RELN: variants seen among roughly 807,000 people sequenced by gnomAD.
RELN encodes the protein reelin.
In RELN, 108 loss-of-function variants were observed where a neutral mutation model predicts 427.6. That is an observed-to-expected ratio of 0.25 (90% confidence interval 0.22 to 0.30). The LOEUF (loss-of-function observed/expected upper bound fraction) is 0.30. RELN is among the 10% of genes least tolerant of loss of function. The probability of loss-of-function intolerance (pLI) is 1.00; values close to 1 mark genes in which losing one functional copy is unlikely to be tolerated. For missense variants in RELN, 3,715 were observed against 4,302.8 expected (o/e 0.86, Z 3.82); for synonymous variants, 1,524 against 1,513.4 (o/e 1.01, Z -0.16).
intron 46 of RELN, among the ~76,000 whole-genome samples, chr7:103,531,535 A>G (rs1386588691): frequency 6.6e-6 from 1 of 152,144 alleles, no homozygotes; most frequent in Non-Finnish European, 1.5e-5. Flanking sequence ...TGCAACTCAA[A>G]GACCAGGGAG....
intron 2 of RELN, among the ~76,000 whole-genome samples, chr7:103,873,785 G>A (rs1307471807): frequency 2.3e-5 from 3 of 132,618 alleles, no homozygotes; most frequent in Admixed American, 7.7e-5. Context: ...GTACAAGGAG[G>A]AACTGGTACC....
chr7:103,770,594 G>C (rs1298528566), intron 4 of RELN, among the ~76,000 whole-genome samples: 1 of 152,092 alleles, frequency 6.6e-6, no homozygotes, highest in African/African-American at 2.4e-5. Context: ...GAGAGAGGGA[G>C]AGAAAATCCA....
chr7:103,507,342 A>T (rs1829249948), intron 51 of RELN, among the ~76,000 whole-genome samples: 3 of 152,240 alleles, frequency 2.0e-5, no homozygotes, highest in Admixed American at 6.5e-5. Flanking sequence ...CTCTCAGACC[A>T]CAGTGCAATC....
chr7:103,485,406 A>C (rs573355142), intron 61 of RELN, among the ~76,000 whole-genome samples: 20 of 152,310 alleles, frequency 1.3e-4, no homozygotes, highest in African/African-American at 4.3e-4. Flanking sequence ...GTTTCATGTA[A>C]ACTATCTTCC....
chr7:103,911,969 C>T (rs1356664652), intron 2 of RELN, among the ~76,000 whole-genome samples: 1 of 150,706 alleles, frequency 6.6e-6, no homozygotes, highest in African/African-American at 2.4e-5. Flanking sequence ...CTAACCTGCA[C>T]AATGTGCACA....
At chr7:103,566,123 T>C (rs1830744883) in intron 33 of RELN, 101 bp downstream of exon 33, 3 of 1,026,370 alleles carry the variant, frequency 2.9e-6, no homozygotes, top group Non-Finnish European at 4.5e-6. Flanking sequence ...CATGGGTAGT[T>C]AGGCACACGG....
At chr7:103,621,791 G>T (rs1832223584) in intron 20 of RELN, among the ~76,000 whole-genome samples, 1 of 152,112 alleles carries the variant, frequency 6.6e-6, no homozygotes, top group Non-Finnish European at 1.5e-5. Flanking sequence ...AGAGGCAGGT[G>T]GATCACTTGA....
At chr7:103,706,400 CA>C (rs138551675) in intron 8 of RELN, among the ~76,000 whole-genome samples, 12,022 of 151,114 alleles carry the variant, frequency 0.08, 1,312 homozygotes, top group African/African-American at 0.25. Flanking sequence ...AGCACCCATC[CA>C]AAAAAAAATT....
At chr7:103,543,798 A>G (rs796414595) in intron 42 of RELN, among the ~76,000 whole-genome samples, 2 of 152,238 alleles carry the variant, frequency 1.3e-5, no homozygotes, top group African/African-American at 4.8e-5. Context: ...AACCACGTCA[A>G]AGTAAACAAT....
chr7:103,723,156 G>A lies in RELN; in HGVS notation c.789C>T (p.Val263=), dbSNP rs1790119899. ...TTGLNTTTAS[V]LQFSIGSGSC... ...AACACTTACCAATGGAAAATTGGAG[G>A]ACAGAAGCTGTTGTTGTATTAAGGC... is the stretch of plus-strand genomic sequence containing the variant. The change falls in exon 8 of 65, where the codon GTC becomes GTT. Residue 263 remains valine (V), a synonymous_variant. Transcript: ENST00000428762. The A allele has an allele frequency of 6.3e-7, 1 of 1,597,276 alleles. No individual in the cohort carries two copies. The highest frequency in any genetic ancestry group is 2.2e-5 in the East Asian group (1 of 44,736).
intron 1 of RELN, among the ~76,000 whole-genome samples, chr7:103,956,320 A>G (rs1029967225): frequency 6.6e-6 from 1 of 152,234 alleles, no homozygotes; most frequent in Non-Finnish European, 1.5e-5. Context: ...AGATGTGCAA[A>G]CACAGTAAAA....
intron 2 of RELN, among the ~76,000 whole-genome samples, chr7:103,845,925 C>T (rs913310128): frequency 1.3e-5 from 2 of 151,976 alleles, no homozygotes; most frequent in African/African-American, 2.4e-5. Flanking sequence ...GAATCAATAT[C>T]GTGAAAATAG....
intron 2 of RELN, among the ~76,000 whole-genome samples, chr7:103,860,858 CTT>C (rs1245210668): frequency 6.6e-6 from 1 of 152,122 alleles, no homozygotes; most frequent in Non-Finnish European, 1.5e-5. Flanking sequence ...ATCAACATAA[CTT>C]TGCTATGAAA....
chr7:103,977,377 T>C (rs1179329313), intron 1 of RELN, among the ~76,000 whole-genome samples: 3 of 144,220 alleles, frequency 2.1e-5, no homozygotes, highest in South Asian at 2.3e-4. Flanking sequence ...GCAGATACAA[T>C]CCCGGAGTAT....
chr7:103,555,813 T>C (rs1830509071), intron 38 of RELN, among the ~76,000 whole-genome samples: 1 of 152,236 alleles, frequency 6.6e-6, no homozygotes, highest in South Asian at 2.1e-4. Context: ...AAGATGTATG[T>C]ATACATATAT....
intron 11 of RELN, among the ~76,000 whole-genome samples, chr7:103,676,924 G>A (rs1209673520): frequency 6.6e-6 from 1 of 151,964 alleles, no homozygotes; most frequent in Non-Finnish European, 1.5e-5. Flanking sequence ...AGCATTAGGA[G>A]ATATATCTAA....
intron 3 of RELN, among the ~76,000 whole-genome samples, chr7:103,811,146 C>T (rs56106813): frequency 0.091 from 13,803 of 152,142 alleles, 890 homozygotes; most frequent in East Asian, 0.33. Context: ...AAGGCATATA[C>T]GAAAATTACA....
chr7:103,693,588 A>G (rs1192452209), intron 10 of RELN, among the ~76,000 whole-genome samples: 1 of 152,042 alleles, frequency 6.6e-6, no homozygotes, highest in South Asian at 2.1e-4. Context: ...GGTAAAAAAA[A>G]TTAAAAAGAA....
In RELN at chr7:103,906,633, A is replaced by G. The variant is rs556164803; in HGVS notation, c.337+10442T>C. Reference sequence around the variant, plus strand: ...GAATGTTTACTTGTTCCTTGGATTCAGCTCATAAAGAGTTGGACTGGAATT... The same window carrying G: ...GAATGTTTACTTGTTCCTTGGATTCGGCTCATAAAGAGTTGGACTGGAATT... On this transcript the variant is annotated intron_variant, in intron 2 of 64. Coordinates refer to ENST00000428762, the MANE Select transcript of RELN (RefSeq NM_005045.4). Among the ~76,000 whole-genome samples, 8 of 152,278 alleles carry G rather than the reference A, an allele frequency of 5.3e-5. No individual in the cohort carries two copies. The South Asian group carries it at 1.2e-3, about 24-fold the overall frequency.
Sources: allele counts gnomAD v4.1 joint callset (sites outside exome capture counted in the v4.1 genomes callset), GRCh38; gene constraint gnomAD v4.1.1; transcripts MANE v1.5; gene names NCBI Gene and HGNC (gene_info 2026-07-23, HGNC 2026-07-21).